ATP2C2: variants seen among roughly 807,000 people sequenced by gnomAD.
ATP2C2 encodes the protein ATPase secretory pathway Ca2+ transporting 2.
In ATP2C2, 171 loss-of-function variants were observed where a neutral mutation model predicts 110.8. The ratio of observed to expected loss-of-function variants is 1.54; its 90% CI spans 1.36 to 1.75. The LOEUF is 1.75. ATP2C2 is among the 40% of genes most tolerant of loss of function. The pLI, the probability that ATP2C2 is intolerant of heterozygous loss-of-function variation, is 0.00. For synonymous variants in ATP2C2, 804 were observed against 508.4 expected (o/e 1.58, Z -7.82); for missense variants, 1,963 against 1,235.0 (o/e 1.59, Z -8.84).
intron 1 of ATP2C2, among the ~76,000 whole-genome samples, chr16:84,378,772 CAAG>C (rs1386207341): frequency 6.6e-6 from 1 of 152,192 alleles, no homozygotes; most frequent in South Asian, 2.1e-4. Context: ...CTAAGAATCT[CAAG>C]AAGGCGGCAG....
chr16:84,374,664 G>A (rs1412899237), intron 1 of ATP2C2, among the ~76,000 whole-genome samples: 3 of 152,050 alleles, frequency 2.0e-5, no homozygotes, highest in African/African-American at 7.2e-5. Flanking sequence ...GGTGGGACTG[G>A]GAGCTGATGG....
At chr16:84,396,532 AGAGT>A (rs1343173280) in intron 1 of ATP2C2, among the ~76,000 whole-genome samples, 3 of 142,924 alleles carry the variant, frequency 2.1e-5, no homozygotes, top group African/African-American at 7.9e-5. Flanking sequence ...CCTGGGTGAC[AGAGT>A]GAGGCTCTAT....
chr16:84,398,669 C>T (rs1227369453), intron 2 of ATP2C2, 60 bp downstream of exon 2: 3 of 1,352,234 alleles, frequency 2.2e-6, no homozygotes, highest in Admixed American at 2.2e-5. Context: ...TAAAAGAAAG[C>T]AACACAAAGC....
At chr16:84,380,671 C>G (rs1446063643) in intron 1 of ATP2C2, among the ~76,000 whole-genome samples, 1 of 152,182 alleles carries the variant, frequency 6.6e-6, no homozygotes, top group African/African-American at 2.4e-5. Context: ...GATGCAAATT[C>G]TAGTTCTGCC....
At position 84,452,014 on chromosome 16, in the gene ATP2C2, C is replaced by G; in HGVS notation, c.1754C>G (p.Ala585Gly). 1.9e-6 allele frequency: 3 copies of G among 1,613,390 alleles called. No homozygotes were observed. The highest frequency in any genetic ancestry group is 2.5e-6 in the Non-Finnish European group (3 of 1,179,930). Residue 585 changes from alanine to glycine, a missense_variant, in exon 18 of 27, where the codon GCA becomes GGA. Physicochemically the swap from Ala to Gly is moderately conservative, Grantham distance 60 (BLOSUM62 0). Transcript: ENST00000262429. Reference sequence around the variant, plus strand: ...CCCCCGAGAGTTGGCGTGAAGGAAGCAGTCCAGGTTCTCTCCGAGTCTGGT... The same window carrying G: ...CCCCCGAGAGTTGGCGTGAAGGAAGGAGTCCAGGTTCTCTCCGAGTCTGGT... The part of the protein sequence containing the change: ...IDPPRVGVKE[A>G]VQVLSESGVS...
At position 84,463,808 on chromosome 16, in the gene ATP2C2, C is replaced by G; in HGVS notation, c.*76C>G. The stretch of plus-strand genomic sequence containing the variant: ...TGTGGCCCCTGCCGTGTCTCCTCGT[C>G]AGGGGAGACTTTTAGGAGGCCGCAG... On this transcript the variant is annotated 3_prime_UTR_variant, in exon 27 of 27. Transcript: ENST00000262429. 6.9e-6 allele frequency: 9 copies of G among 1,306,962 alleles called. No homozygotes were observed. Among genetic ancestry groups the G allele is most frequent in the Non-Finnish European group, 8.8e-6 (8 of 907,536 alleles). 81.0% of individuals were successfully genotyped at this position (1,306,962 alleles called of 1,614,324 possible). A position where few individuals can be genotyped will look rare whatever the true frequency, so the allele number is the denominator to read the frequency against.
chr16:84,437,144 A>G (rs1908815996), intron 11 of ATP2C2, among the ~76,000 whole-genome samples: 2 of 152,154 alleles, frequency 1.3e-5, no homozygotes, highest in African/African-American at 2.4e-5. Flanking sequence ...AATGGTTTTT[A>G]GTGTATTCAG....
intron 11 of ATP2C2, 163 bp from the exon 12 acceptor site, chr16:84,439,003 C>T: frequency 9.6e-7 from 1 of 1,041,938 alleles, no homozygotes; most frequent in Non-Finnish European, 1.4e-6. Context: ...GTGGGTGCTG[C>T]AGAAGGAGGC....
At chr16:84,425,879 T>G in intron 11 of ATP2C2, 78 bp downstream of exon 11, 1 of 1,531,160 alleles carries the variant, frequency 6.5e-7, no homozygotes, top group South Asian at 1.1e-5. Flanking sequence ...CAAGAGAAGG[T>G]GGGGAGGCTG....
chr16:84,385,886 A>C (rs9922617), intron 1 of ATP2C2, among the ~76,000 whole-genome samples: 4,669 of 152,238 alleles, frequency 0.031, 227 homozygotes, highest in African/African-American at 0.11. Flanking sequence ...TACAATTCCA[A>C]ATGAGATTTG....
chr16:84,410,665 C>G (rs766474793), intron 5 of ATP2C2, 39 bp from the exon 6 acceptor site: 2 of 1,613,802 alleles, frequency 1.2e-6, no homozygotes. Flanking sequence ...TCATGGAGTC[C>G]CCACCTTTAA....
Position 84,460,733 on chromosome 16 carries a change from C to G in ATP2C2, c.2413C>G (p.Leu805Val). 1.2e-6 allele frequency: 2 copies of G among 1,614,178 alleles called. No individual in the cohort carries two copies. Among genetic ancestry groups the G allele is most frequent in the East Asian group, 2.2e-5 (1 of 44,874 alleles). ...SVRDTILSRA[L>V]ILKILMSAAI... ...GCGGGACACCATCCTCAGCAGAGCC[C>G]TCATCCTGAAGATCCTCATGTCCGC... is the stretch of plus-strand genomic sequence containing the variant. Residue 805 changes from leucine (L) to valine (V), a missense_variant, in exon 24 of 27, where the codon CTC becomes GTC. Transcript: ENST00000262429.
chr16:84,419,897 A>T (rs1041132205), intron 7 of ATP2C2, among the ~76,000 whole-genome samples: 2 of 152,138 alleles, frequency 1.3e-5, no homozygotes, highest in Non-Finnish European at 2.9e-5. Context: ...GATTTCCCAA[A>T]TGGGAGAGAC....
At chr16:84,458,692 C>T (rs996102184) in intron 21 of ATP2C2, among the ~76,000 whole-genome samples, 1 of 152,234 alleles carries the variant, frequency 6.6e-6, no homozygotes, top group Non-Finnish European at 1.5e-5. Flanking sequence ...GTCCTTCAGC[C>T]TCCCCATCCC....
chr16:84,443,765 A>T (rs1023884846), intron 15 of ATP2C2, among the ~76,000 whole-genome samples: 1 of 151,808 alleles, frequency 6.6e-6, no homozygotes, highest in African/African-American at 2.4e-5. Context: ...CAAGACTCCA[A>T]CCTCCCACAC....
At chr16:84,415,817 C>G (rs977137905) in intron 7 of ATP2C2, among the ~76,000 whole-genome samples, 3 of 152,216 alleles carry the variant, frequency 2.0e-5, no homozygotes, top group Non-Finnish European at 4.4e-5. Context: ...GCCTGACAAC[C>G]TTTGGCTATA....
intron 16 of ATP2C2, 120 bp from the exon 17 acceptor site, chr16:84,448,411 TAA>T: frequency 8.0e-7 from 1 of 1,256,630 alleles, no homozygotes; most frequent in Non-Finnish European, 1.1e-6. Context: ...CAGCCTATGA[TAA>T]ATAACTCCGC....
At chr16:84,455,075 G>GGT (rs892004492) in intron 21 of ATP2C2, 91 bp downstream of exon 21, 8 of 1,507,590 alleles carry the variant, frequency 5.3e-6, no homozygotes, top group Middle Eastern at 1.8e-4. Flanking sequence ...GATAGAGGGG[G>GGT]GGGTCTCGCG....
At chr16:84,415,620 GGT>G (rs763467407) in intron 7 of ATP2C2, 29 bp downstream of exon 7, 1 of 1,559,124 alleles carries the variant, frequency 6.4e-7, no homozygotes, top group Admixed American at 1.8e-5. Flanking sequence ...TTGTCAATGG[GGT>G]ATTTGATGGA....
Sources: gnomAD v4.1 joint callset for allele counts (sites outside exome capture counted in the v4.1 genomes callset) on GRCh38, gnomAD v4.1.1 for gene constraint, MANE v1.5 for transcripts, NCBI Gene and HGNC (gene_info 2026-07-23, HGNC 2026-07-21) for gene names.